Variants in CSRNP3 observed in about 807,000 individuals in gnomAD.
The protein encoded by CSRNP3 is cysteine and serine rich nuclear protein 3.
In CSRNP3, 12 loss-of-function variants were observed where a neutral mutation model predicts 48.0. That is an observed-to-expected ratio of 0.25 (90% CI 0.16 to 0.41). The LOEUF is 0.41. Among genes scored for constraint, CSRNP3 ranks in the 10% least tolerant of loss-of-function variants. CSRNP3 has a pLI of 1.00. For synonymous variants in CSRNP3, 263 were observed against 269.7 expected (o/e 0.98, Z 0.24); for missense variants, 580 against 724.4 (o/e 0.80, Z 2.29).
intron 3 of CSRNP3, among the ~76,000 whole-genome samples, chr2:165,537,326 T>G (rs1372781458): frequency 1.3e-5 from 2 of 150,510 alleles, no homozygotes; most frequent in African/African-American, 4.9e-5. Flanking sequence ...CTTTACAGAT[T>G]TGTTGGTAAA....
intron 3 of CSRNP3, among the ~76,000 whole-genome samples, chr2:165,564,368 A>C (rs1297027260): frequency 6.6e-6 from 1 of 152,102 alleles, no homozygotes; most frequent in African/African-American, 2.4e-5. Flanking sequence ...TAATTCCATC[A>C]CAATAATAAT....
Position 165,489,084 on chromosome 2 carries a change from A to C in CSRNP3, c.-282-5675A>C, listed in dbSNP as rs1226307324. Among the ~76,000 whole-genome samples, 3 of 148,844 alleles carry C rather than the reference A, an allele frequency of 2.0e-5. No homozygotes were observed. In the East Asian group the frequency reaches 5.8e-4, roughly 29 times the overall value. ...TAAAGAGAAAAAGAGAGAAGAATCA[A>C]ATAGACACAATAAAAAATGATAAAG... On this transcript the variant is annotated intron_variant, in intron 1 of 6. Coordinates refer to ENST00000651982, the MANE Select transcript of CSRNP3 (RefSeq NM_001172173.2).
At chr2:165,658,083 C>A (rs756203845) in intron 5 of CSRNP3, 63 bp downstream of exon 5, 4 of 1,532,704 alleles carry the variant, frequency 2.6e-6, no homozygotes, top group Non-Finnish European at 3.5e-6. Context: ...TTGAGTTAAC[C>A]ATTTTCATAT....
intron 3 of CSRNP3, among the ~76,000 whole-genome samples, chr2:165,559,796 C>CTTTTTTTT (rs11313094): frequency 2.2e-3 from 218 of 98,394 alleles, no homozygotes; most frequent in Non-Finnish European, 2.8e-3. Flanking sequence ...TTCTTTCTTT[C>CTTTTTTTT]TTTTTTTTTT....
At chr2:165,636,842 T>C (rs1425400370) in intron 4 of CSRNP3, among the ~76,000 whole-genome samples, 1 of 152,198 alleles carries the variant, frequency 6.6e-6, no homozygotes, top group Non-Finnish European at 1.5e-5. Context: ...TTACTAATTT[T>C]TTTTAATAAT....
chr2:165,574,307 G>A (rs780385005), intron 3 of CSRNP3: 4 of 1,421,204 alleles, frequency 2.8e-6, no homozygotes, highest in Non-Finnish European at 3.9e-6. Flanking sequence ...TGGATCAGTT[G>A]CCTGAAAAAA....
chr2:165,487,714 G>C (rs1684141652), intron 1 of CSRNP3, among the ~76,000 whole-genome samples: 1 of 147,740 alleles, frequency 6.8e-6, no homozygotes, highest in African/African-American at 2.6e-5. Flanking sequence ...AAGTGAAGGA[G>C]AAATAAAATA....
rs530874773 is a variant in CSRNP3, at chr2:165,566,193, C to T, written c.-23-28850C>T. ...TTCAAACATTCCAGCATTACAAATG[C>T]ACAATCCTATCGAGATAAAAAAAAA... On this transcript the variant is annotated intron_variant, in intron 3 of 6. Coordinates refer to ENST00000651982, the MANE Select transcript of CSRNP3 (RefSeq NM_001172173.2). 6.4e-5 allele frequency among the ~76,000 whole-genome samples: 8 copies of T among 125,338 alleles called. No homozygotes were observed. The East Asian group carries it at 1.1e-3, about 17-fold the overall frequency. The allele number at this position is 125,338 out of a possible 152,430, so 82.2% of individuals were successfully genotyped here. A position where few individuals can be genotyped will look rare whatever the true frequency, so the allele number is the denominator to read the frequency against.
intron 4 of CSRNP3, among the ~76,000 whole-genome samples, chr2:165,617,183 G>A (rs1686260609): frequency 6.6e-6 from 1 of 152,140 alleles, no homozygotes; most frequent in African/African-American, 2.4e-5. Context: ...GTCTGTTGCT[G>A]GAGAATTACG....
intron 2 of CSRNP3, among the ~76,000 whole-genome samples, chr2:165,510,805 G>C (rs1039493702): frequency 2.0e-5 from 3 of 152,156 alleles, no homozygotes; most frequent in African/African-American, 7.2e-5. Context: ...GTAGATATGA[G>C]TCTAAAGCTC....
rs761297751 is a variant in CSRNP3, at chr2:165,595,033, C to T, written c.-23-10C>T. On this transcript the variant is annotated splice_polypyrimidine_tract_variant and intron_variant, in intron 3 of 6. Coordinates refer to ENST00000651982, the MANE Select transcript of CSRNP3 (RefSeq NM_001172173.2). ...ATTTCAATGCTCTGTTGCTCTCCTT[C>T]CTGTTACAGGTACATGTGACAGCAC... is the stretch of plus-strand genomic sequence containing the variant. The T allele has an allele frequency of 6.2e-7, 1 of 1,609,946 alleles. No homozygotes were observed. The highest frequency in any genetic ancestry group is 1.7e-5 in the Admixed American group (1 of 59,950).
At chr2:165,676,169 A>G (rs905094007) in intron 5 of CSRNP3, 143 bp from the exon 6 acceptor site, 4 of 695,918 alleles carry the variant, frequency 5.7e-6, no homozygotes. Context: ...GATTTCTCCT[A>G]AAGATTAAAA....
chr2:165,602,905 A>G (rs1014872416), intron 4 of CSRNP3, among the ~76,000 whole-genome samples: 2 of 150,988 alleles, frequency 1.3e-5, no homozygotes, highest in African/African-American at 2.4e-5. Flanking sequence ...TATTTTTTTT[A>G]ATTTTTTTTG....
chr2:165,556,926 T>A (rs953362617), intron 3 of CSRNP3, among the ~76,000 whole-genome samples: 3 of 152,228 alleles, frequency 2.0e-5, no homozygotes, highest in African/African-American at 7.2e-5. Flanking sequence ...GTACCAGCTC[T>A]AATTGACTAA....
chr2:165,630,835 T>C (rs953850840), intron 4 of CSRNP3, among the ~76,000 whole-genome samples: 1 of 152,204 alleles, frequency 6.6e-6, no homozygotes. Context: ...TATTCAGAGT[T>C]AGTGGAGCAA....
At chr2:165,526,538 A>G (rs907660389) in intron 3 of CSRNP3, among the ~76,000 whole-genome samples, 1 of 152,226 alleles carries the variant, frequency 6.6e-6, no homozygotes, top group Non-Finnish European at 1.5e-5. Flanking sequence ...AATCAAAAAC[A>G]TTTGCTCTAT....
At chr2:165,528,500 G>A (rs892357981) in intron 3 of CSRNP3, among the ~76,000 whole-genome samples, 1 of 152,092 alleles carries the variant, frequency 6.6e-6, no homozygotes, top group Non-Finnish European at 1.5e-5. Context: ...CTTTTGTAAC[G>A]AATATGAGAT....
intron 2 of CSRNP3, among the ~76,000 whole-genome samples, chr2:165,513,313 A>G (rs1380287064): frequency 6.6e-6 from 1 of 152,162 alleles, no homozygotes; most frequent in East Asian, 1.9e-4. Flanking sequence ...TACAAGTTTT[A>G]TTATCACTTG....
intron 3 of CSRNP3, among the ~76,000 whole-genome samples, chr2:165,520,792 T>TAC (rs1684646224): frequency 1.0e-4 from 2 of 19,940 alleles, no homozygotes; most frequent in Non-Finnish European, 1.6e-4. Flanking sequence ...ATTATATATA[T>TAC]ATATATATAT....
Sources: allele counts gnomAD v4.1 joint callset (sites outside exome capture counted in the v4.1 genomes callset), GRCh38; gene constraint gnomAD v4.1.1; transcripts MANE v1.5; gene names NCBI Gene and HGNC (gene_info 2026-07-23, HGNC 2026-07-21).